The following RYR3 variants were observed in gnomAD, a reference collection of about 807,000 sequenced individuals.
RYR3 encodes the protein ryanodine receptor 3.
Under a neutral mutation model 584.3 loss-of-function variants are expected in RYR3, and 207 were observed. The observed-to-expected ratio is 0.35, with a 90% CI of 0.32 to 0.40. The LOEUF (loss-of-function observed/expected upper bound fraction) is 0.40. RYR3 is among the 10% of genes least tolerant of loss of function. The probability of loss-of-function intolerance (pLI) is 1.00; values close to 1 mark genes in which losing one functional copy is unlikely to be tolerated. For synonymous variants in RYR3, 2,416 were observed against 2,248.5 expected (o/e 1.07, Z -2.11); for missense variants, 5,616 against 6,089.2 (o/e 0.92, Z 2.59).
intron 5 of RYR3, among the ~76,000 whole-genome samples, chr15:33,536,147 T>C (rs919552501): frequency 6.6e-6 from 1 of 152,240 alleles, no homozygotes; most frequent in Non-Finnish European, 1.5e-5. Context: ...CCTGTCTGGC[T>C]AGTTCTCTGA....
At chr15:33,579,545 A>G (rs991226478) in intron 12 of RYR3, among the ~76,000 whole-genome samples, 1 of 152,212 alleles carries the variant, frequency 6.6e-6, no homozygotes, top group African/African-American at 2.4e-5. Context: ...TGTGTGACAG[A>G]CAACCAGGGG....
intron 1 of RYR3, among the ~76,000 whole-genome samples, chr15:33,355,422 A>G (rs1973838366): frequency 6.6e-6 from 1 of 152,208 alleles, no homozygotes; most frequent in Non-Finnish European, 1.5e-5. Context: ...CAGCCTTCCC[A>G]GCAACCCTAT....
chr15:33,589,006 C>T (rs1329539239), intron 16 of RYR3, among the ~76,000 whole-genome samples: 1 of 152,164 alleles, frequency 6.6e-6, no homozygotes, highest in Non-Finnish European at 1.5e-5. Flanking sequence ...AATGGTAGAT[C>T]TATTTTTAGT....
intron 2 of RYR3, among the ~76,000 whole-genome samples, chr15:33,475,492 C>T (rs1034560080): frequency 6.6e-6 from 1 of 152,202 alleles, no homozygotes; most frequent in Non-Finnish European, 1.5e-5. Flanking sequence ...AAGGTTCATG[C>T]TCCTATGAGA....
chr15:33,854,324 C>T, intron 96 of RYR3, 65 bp from the exon 97 acceptor site: 1 of 1,358,154 alleles, frequency 7.4e-7, no homozygotes, highest in Non-Finnish European at 1.0e-6. Flanking sequence ...TACTTTTTCC[C>T]CCTTATTGAG....
At chr15:33,850,863 T>G (rs1026749507) in intron 94 of RYR3, 1 of 152,132 alleles carries the variant, frequency 6.6e-6, no homozygotes, top group Non-Finnish European at 1.5e-5. Flanking sequence ...TTAGTAATAT[T>G]AATTCTTAAA....
At chr15:33,491,359 G>T (rs2050947868) in intron 2 of RYR3, among the ~76,000 whole-genome samples, 1 of 152,172 alleles carries the variant, frequency 6.6e-6, no homozygotes, top group Admixed American at 6.5e-5. Context: ...GCCAAACATG[G>T]CTTTCATCTG....
chr15:33,473,832 C>G (rs909328006), intron 2 of RYR3, among the ~76,000 whole-genome samples: 1 of 152,068 alleles, frequency 6.6e-6, no homozygotes, highest in Admixed American at 6.5e-5. Context: ...CTTAATACTC[C>G]CAGAATGCCT....
intron 12 of RYR3, 135 bp from the exon 13 acceptor site, chr15:33,579,841 T>C (rs906976478): frequency 4.0e-6 from 2 of 503,592 alleles, no homozygotes; most frequent in African/African-American, 3.9e-5. Flanking sequence ...ATTTTGTAGC[T>C]GCTGGTACAG....
chr15:33,545,401 G>A (rs951168423), intron 8 of RYR3, among the ~76,000 whole-genome samples: 1 of 151,992 alleles, frequency 6.6e-6, no homozygotes, highest in Non-Finnish European at 1.5e-5. Flanking sequence ...TTCACAATAG[G>A]CACACTGGAG....
intron 25 of RYR3, 82 bp downstream of exon 25, chr15:33,634,815 T>G: frequency 8.8e-7 from 1 of 1,142,798 alleles, no homozygotes; most frequent in South Asian, 1.3e-5. Context: ...CAAATAGGTC[T>G]AACTTGTACT....
intron 60 of RYR3, among the ~76,000 whole-genome samples, chr15:33,762,950 CAG>C (rs1204955267): frequency 6.6e-6 from 1 of 152,202 alleles, no homozygotes; most frequent in African/African-American, 2.4e-5. Context: ...ACACAGGCCT[CAG>C]AAATAACACC....
At chr15:33,551,557 T>A (rs1269766716) in intron 10 of RYR3, among the ~76,000 whole-genome samples, 1 of 152,188 alleles carries the variant, frequency 6.6e-6, no homozygotes, top group Admixed American at 6.5e-5. Flanking sequence ...TGTAGTTTTT[T>A]CTCTTTAATA....
At chr15:33,603,584 C>G (rs1245440947) in intron 18 of RYR3, among the ~76,000 whole-genome samples, 1 of 152,192 alleles carries the variant, frequency 6.6e-6, no homozygotes, top group African/African-American at 2.4e-5. Context: ...GATCACTTCT[C>G]TCAAGCTCAT....
intron 27 of RYR3, among the ~76,000 whole-genome samples, chr15:33,643,271 CT>C (rs1742742964): frequency 6.6e-6 from 1 of 152,190 alleles, no homozygotes; most frequent in Non-Finnish European, 1.5e-5. Context: ...TCTCTGCAGC[CT>C]CCAGCGGTCC....
intron 37 of RYR3, among the ~76,000 whole-genome samples, chr15:33,669,708 C>G (rs1372077879): frequency 6.6e-6 from 1 of 152,128 alleles, no homozygotes; most frequent in Non-Finnish European, 1.5e-5. Flanking sequence ...AACAGGGTTT[C>G]TAGCAAAAGA....
intron 1 of RYR3, among the ~76,000 whole-genome samples, chr15:33,459,719 A>G (rs886172073): frequency 3.3e-5 from 5 of 152,170 alleles, no homozygotes; most frequent in African/African-American, 9.7e-5. Flanking sequence ...GGCTTGGACA[A>G]TGGGTATCTT....
At chr15:33,811,107 C>T in intron 72 of RYR3, 70 bp downstream of exon 72, 1 of 1,266,774 alleles carries the variant, frequency 7.9e-7, no homozygotes, top group Non-Finnish European at 1.1e-6. Flanking sequence ...CAGCTTTTCA[C>T]TTCATTTACT....
At chr15:33,579,891 G>C in intron 12 of RYR3, 85 bp from the exon 13 acceptor site, 1 of 1,025,006 alleles carries the variant, frequency 9.8e-7, no homozygotes, top group Non-Finnish European at 1.4e-6. Flanking sequence ...ACCGTGGGGG[G>C]CTGTTAGGAG....
Sources: gnomAD v4.1 joint callset for allele counts (sites outside exome capture counted in the v4.1 genomes callset) on GRCh38, gnomAD v4.1.1 for gene constraint, MANE v1.5 for transcripts, NCBI Gene and HGNC (gene_info 2026-07-23, HGNC 2026-07-21) for gene names.